The following XXYLT1 variants were observed in gnomAD, a reference collection of about 807,000 sequenced individuals.
XXYLT1 encodes xyloside xylosyltransferase 1, also known as UDP-xylose:alpha-xyloside alpha-1,3-xylosyltransferase.
In XXYLT1, 20 loss-of-function variants were observed where a neutral mutation model predicts 28.9. That is an observed-to-expected ratio of 0.69 (90% CI 0.49 to 1.00). The LOEUF (loss-of-function observed/expected upper bound fraction) is 1.00. XXYLT1 is among the 50% of genes least tolerant of loss of function. The pLI is 0.00. For synonymous variants in XXYLT1, 257 were observed against 253.8 expected (o/e 1.01, Z -0.12); for missense variants, 542 against 560.1 (o/e 0.97, Z 0.33).
chr3:195,260,272 C>G (rs1342222726), intron 1 of XXYLT1, among the ~76,000 whole-genome samples: 2 of 151,332 alleles, frequency 1.3e-5, no homozygotes, highest in South Asian at 2.1e-4. Context: ...GGGGAGGGAC[C>G]GCGCCGCGGA....
At position 195,131,722 on chromosome 3, in the gene XXYLT1, T is replaced by C. The variant is rs77423534; in HGVS notation, c.785+24727A>G. 7.4e-3 allele frequency among the ~76,000 whole-genome samples: 1,126 copies of C among 152,328 alleles called. 15 individuals carry two copies. The highest frequency in any genetic ancestry group is 0.025 in the African/African-American group (1,047 of 41,572). ...AGGCAGGCAGGAGGTGACAAACCTC[T>C]ATGGTAAATGTTTACCAGTGACCCC... On this transcript the variant is annotated intron_variant, in intron 3 of 3. Transcript: ENST00000310380.
At chr3:195,208,831 G>A (rs1478855590) in intron 2 of XXYLT1, among the ~76,000 whole-genome samples, 2 of 152,234 alleles carry the variant, frequency 1.3e-5, no homozygotes, top group Non-Finnish European at 1.5e-5. Flanking sequence ...AGAGTCCCCG[G>A]GAGGTCACTG....
intron 3 of XXYLT1, among the ~76,000 whole-genome samples, chr3:195,081,262 G>A (rs1415306370): frequency 1.3e-5 from 2 of 151,884 alleles, no homozygotes; most frequent in Non-Finnish European, 2.9e-5. Context: ...AGAGATGAAA[G>A]CCACTGAGTT....
intron 2 of XXYLT1, among the ~76,000 whole-genome samples, chr3:195,182,820 A>C (rs1375199578): frequency 6.6e-6 from 1 of 152,226 alleles, no homozygotes; most frequent in Non-Finnish European, 1.5e-5. Flanking sequence ...GGTAAGGATT[A>C]AAACGTTTAG....
At chr3:195,212,629 C>T (rs1723373622) in intron 2 of XXYLT1, among the ~76,000 whole-genome samples, 1 of 152,220 alleles carries the variant, frequency 6.6e-6, no homozygotes, top group Admixed American at 6.5e-5. Context: ...CAAAGAAACA[C>T]AAACCCTACT....
chr3:195,107,796 G>C (rs1717233635), intron 3 of XXYLT1, among the ~76,000 whole-genome samples: 1 of 151,826 alleles, frequency 6.6e-6, no homozygotes, highest in African/African-American at 2.4e-5. Flanking sequence ...AATCCTCATG[G>C]CCTCATGAGG....
intron 2 of XXYLT1, among the ~76,000 whole-genome samples, chr3:195,197,587 T>C (rs990899205): frequency 2.6e-5 from 4 of 152,180 alleles, no homozygotes; most frequent in African/African-American, 9.7e-5. Context: ...TACCTAAAGA[T>C]GTTCACAAGC....
intron 3 of XXYLT1, among the ~76,000 whole-genome samples, chr3:195,106,038 A>G (rs1456576684): frequency 6.6e-6 from 1 of 152,222 alleles, no homozygotes; most frequent in African/African-American, 2.4e-5. Context: ...CACCATAGGT[A>G]TTGCTTCTTA....
chr3:195,255,717 C>T lies in XXYLT1; in HGVS notation c.504+14838G>A, dbSNP rs1057237435. 3.3e-5 allele frequency among the ~76,000 whole-genome samples: 5 copies of T among 152,100 alleles called. No homozygotes were observed. The highest frequency in any genetic ancestry group is 1.2e-4 in the African/African-American group (5 of 41,406). ...CAGAGAGGGCACAGGAGAGCTGCTC[C>T]CAGTCTCCCTTGTCCACTGAGCAGC... On this transcript the variant is annotated intron_variant, in intron 1 of 3. Coordinates refer to ENST00000310380, the MANE Select transcript of XXYLT1 (RefSeq NM_152531.5). This position sits in a 1 kb window ranked among gnomAD's most constrained non-coding sequence, Gnocchi z 4.5.
intron 3 of XXYLT1, among the ~76,000 whole-genome samples, chr3:195,072,926 C>G (rs1458239281): frequency 6.6e-6 from 1 of 152,134 alleles, no homozygotes; most frequent in Non-Finnish European, 1.5e-5. Context: ...GGAGCTCGTG[C>G]GAGGAACTTC....
At chr3:195,218,865 C>T (rs1400067938) in intron 2 of XXYLT1, among the ~76,000 whole-genome samples, 4 of 152,012 alleles carry the variant, frequency 2.6e-5, no homozygotes, top group Admixed American at 6.6e-5. Context: ...CACACGCACC[C>T]GTATGTTTAT....
rs192277331 is a variant in XXYLT1 at position 195,107,599 on chromosome 3, G to A, written c.786-37488C>T. 7.6e-3 allele frequency among the ~76,000 whole-genome samples: 81 copies of A among 10,622 alleles called. 7 individuals are homozygous for A. The highest frequency in any genetic ancestry group is 0.011 in the Non-Finnish European group (58 of 5,294). The allele number at this position is 10,622 out of a possible 152,430, so 7.0% of individuals were successfully genotyped here. On this transcript the variant is annotated intron_variant, in intron 3 of 3. Coordinates refer to ENST00000310380, the MANE Select transcript of XXYLT1 (RefSeq NM_152531.5). Reference sequence around the variant, plus strand: ...GGGAGGAGGAGGGGGAGGAGGAGGGGGAGGAGGAAGGGGAGGAGGAGGGGG... The same window carrying A: ...GGGAGGAGGAGGGGGAGGAGGAGGGAGAGGAGGAAGGGGAGGAGGAGGGGG...
intron 2 of XXYLT1, among the ~76,000 whole-genome samples, chr3:195,213,586 G>A (rs546421798): frequency 2.2e-4 from 33 of 152,310 alleles, no homozygotes; most frequent in African/African-American, 5.1e-4. Context: ...CTTAAAGTGA[G>A]TACTGTGGAA....
intron 1 of XXYLT1, among the ~76,000 whole-genome samples, chr3:195,267,447 C>T (rs375254758): frequency 2.6e-5 from 4 of 152,198 alleles, no homozygotes; most frequent in African/African-American, 9.7e-5. Flanking sequence ...AAGCCTTGGG[C>T]GAGTTTCCTC....
In XXYLT1 at chr3:195,270,682, A is replaced by G; in HGVS notation, c.377T>C (p.Leu126Pro). The G allele has an allele frequency of 6.3e-7, 1 of 1,587,458 alleles. No individual in the cohort carries two copies. Among genetic ancestry groups the G allele is most frequent in the South Asian group, 1.1e-5 (1 of 88,468 alleles). Residue 126 changes from leucine to proline, a missense_variant, in exon 1 of 4, where the codon CTG becomes CCG. Physicochemically the swap from Leu to Pro is moderately conservative, Grantham distance 98 (BLOSUM62 -3). Transcript: ENST00000310380. Reference sequence around the variant, plus strand: ...GTGCGCCTCGAACTTGGCGAGGCGCAGCAGTGAGCGCAGCGCGACGCGGGC... The same window carrying G: ...GTGCGCCTCGAACTTGGCGAGGCGCGGCAGTGAGCGCAGCGCGACGCGGGC... ...AKARVALRSL[L>P]RLAKFEAHEV... is the part of the protein sequence containing the mutation.
At chr3:195,109,020 GTAT>G (rs760954511) in intron 3 of XXYLT1, among the ~76,000 whole-genome samples, 6 of 152,110 alleles carry the variant, frequency 3.9e-5, no homozygotes, top group Admixed American at 1.3e-4. Context: ...AACCCCAAAG[GTAT>G]TATTATTTCC....
intron 1 of XXYLT1, among the ~76,000 whole-genome samples, chr3:195,261,204 G>C (rs1450540701): frequency 1.3e-5 from 2 of 152,198 alleles, no homozygotes; most frequent in African/African-American, 4.8e-5. Flanking sequence ...AGGCGGAGGC[G>C]GGCGGATCAC....
At chr3:195,113,467 T>C (rs1451451896) in intron 3 of XXYLT1, among the ~76,000 whole-genome samples, 16 of 152,128 alleles carry the variant, frequency 1.1e-4, no homozygotes, top group Admixed American at 1.0e-3. Flanking sequence ...ATCCTTAACA[T>C]AGGGGGAAAC....
chr3:195,270,579 C>A lies in XXYLT1; in HGVS notation c.480G>T (p.Pro160=). The change falls in exon 1 of 4, where the codon CCG becomes CCT. Residue 160 remains proline (P), a synonymous_variant. Coordinates refer to ENST00000310380, the MANE Select transcript of XXYLT1 (RefSeq NM_152531.5). ...VAKGLLRELL[P]PAAGFKCKVI... The stretch of plus-strand genomic sequence containing the variant: ...CCTTGCACTTGAAGCCAGCGGCGGG[C>A]GGCAGGAGCTCCCGCAGCAGGCCCT... 7.2e-7 allele frequency: 1 copy of A among 1,383,918 alleles called. No homozygotes were observed. Among genetic ancestry groups the A allele is most frequent in the Non-Finnish European group, 9.3e-7 (1 of 1,071,574 alleles). 85.7% of individuals were successfully genotyped at this position (1,383,918 alleles called of 1,614,324 possible). A position where few individuals can be genotyped will look rare whatever the true frequency, so the allele number is the denominator to read the frequency against.
Sources: allele counts gnomAD v4.1 joint callset (sites outside exome capture counted in the v4.1 genomes callset), GRCh38; gene constraint gnomAD v4.1.1; non-coding constraint Gnocchi (gnomAD v3.1); transcripts MANE v1.5; gene names NCBI Gene and HGNC (gene_info 2026-07-23, HGNC 2026-07-21).